ZNF385B: variants seen among roughly 807,000 people sequenced by gnomAD.
ZNF385B encodes zinc finger protein 385B.
Under a neutral mutation model 39.2 loss-of-function variants are expected in ZNF385B, and 23 were observed. The ratio of observed to expected loss-of-function variants is 0.59; its 90% CI spans 0.42 to 0.83. The LOEUF (loss-of-function observed/expected upper bound fraction) is 0.83. ZNF385B is among the 40% of genes least tolerant of loss of function. The pLI is 0.00. For missense variants in ZNF385B, 552 were observed against 598.9 expected (o/e 0.92, Z 0.82); for synonymous variants, 205 against 222.6 (o/e 0.92, Z 0.70).
At chr2:179,566,878 C>T (rs1320117445) in intron 3 of ZNF385B, among the ~76,000 whole-genome samples, 1 of 150,452 alleles carries the variant, frequency 6.6e-6, no homozygotes, top group East Asian at 2.0e-4. Flanking sequence ...TTTAGAGTAA[C>T]TCTTGAGTGA....
intron 3 of ZNF385B, among the ~76,000 whole-genome samples, chr2:179,745,539 C>T (rs917348231): frequency 2.0e-5 from 3 of 152,086 alleles, no homozygotes; most frequent in Non-Finnish European, 2.9e-5. Flanking sequence ...GGAGTTACTT[C>T]GCAACAAAAT....
At chr2:179,609,688 C>T (rs934823020) in intron 3 of ZNF385B, among the ~76,000 whole-genome samples, 4 of 152,146 alleles carry the variant, frequency 2.6e-5, no homozygotes, top group Admixed American at 6.5e-5. Context: ...ATGTGCATTC[C>T]CACCAACAGT....
chr2:179,660,392 T>C (rs1694327705), intron 3 of ZNF385B, among the ~76,000 whole-genome samples: 1 of 152,222 alleles, frequency 6.6e-6, no homozygotes, highest in Admixed American at 6.5e-5. Flanking sequence ...AAATTCTGAA[T>C]TGATCATGCT....
rs937363918 is a variant in ZNF385B at position 179,483,512 on chromosome 2, A to G, written c.553-78T>C. The stretch of plus-strand genomic sequence containing the variant: ...GTGGATGATCATGCAGGAGAAAAAT[A>G]CATTCTATCATAGGCACCACAGACA... On this transcript the variant is annotated intron_variant, in intron 5 of 9. Coordinates refer to ENST00000410066, the MANE Select transcript of ZNF385B (RefSeq NM_152520.6). 10 of 1,578,756 alleles carry G rather than the reference A, an allele frequency of 6.3e-6. No homozygotes were observed. In the African/African-American group the frequency reaches 1.2e-4, roughly 19 times the overall value.
chr2:179,834,072 G>A (rs1384124728), intron 1 of ZNF385B, among the ~76,000 whole-genome samples: 1 of 151,922 alleles, frequency 6.6e-6, no homozygotes, highest in Admixed American at 6.6e-5. Flanking sequence ...ACAGAATGAG[G>A]GAAGGAGAAA....
chr2:179,750,515 C>T (rs1702609956), intron 3 of ZNF385B, among the ~76,000 whole-genome samples: 1 of 152,040 alleles, frequency 6.6e-6, no homozygotes, highest in South Asian at 2.1e-4. Context: ...AGAGACAATT[C>T]CTGAGTGCTC....
At chr2:179,705,005 G>C (rs1456745985) in intron 3 of ZNF385B, among the ~76,000 whole-genome samples, 1 of 151,934 alleles carries the variant, frequency 6.6e-6, no homozygotes, top group Non-Finnish European at 1.5e-5. Flanking sequence ...TACCTATACT[G>C]CTCTGCCCCC....
chr2:179,581,979 T>C (rs183397580), intron 3 of ZNF385B, among the ~76,000 whole-genome samples: 38 of 152,332 alleles, frequency 2.5e-4, no homozygotes, highest in African/African-American at 7.9e-4. Context: ...TTTATTATTG[T>C]GCTCTTGTTA....
At chr2:179,841,553 T>C (rs1708536138) in intron 1 of ZNF385B, among the ~76,000 whole-genome samples, 1 of 152,256 alleles carries the variant, frequency 6.6e-6, no homozygotes, top group Admixed American at 6.5e-5. Flanking sequence ...ATTGATATTT[T>C]GGTCTGGATA....
At chr2:179,600,642 TA>T (rs1688339015) in intron 3 of ZNF385B, among the ~76,000 whole-genome samples, 1 of 152,244 alleles carries the variant, frequency 6.6e-6, no homozygotes, top group African/African-American at 2.4e-5. Context: ...ATAATTAATG[TA>T]ATATTTTATT....
chr2:179,446,731 G>A lies in ZNF385B; in HGVS notation c.755C>T (p.Pro252Leu). ...GKLKASSSSQ[P>L]SSSESGSFLL... The stretch of plus-strand genomic sequence containing the variant: ...AAATGAGCCACTTTCAGAGCTTGAT[G>A]GCTGACTGGAACTGCTGGCTTTTAA... Residue 252 changes from proline to leucine, a missense_variant, in exon 7 of 10, where the codon CCA becomes CTA. Coordinates refer to ENST00000410066, the MANE Select transcript of ZNF385B (RefSeq NM_152520.6). The A allele has an allele frequency of 6.2e-7, 1 of 1,613,796 alleles. No homozygotes were observed. Among genetic ancestry groups the A allele is most frequent in the South Asian group, 1.1e-5 (1 of 90,986 alleles).
chr2:179,857,276 G>T (rs528125731), intron 1 of ZNF385B, among the ~76,000 whole-genome samples: 3 of 152,176 alleles, frequency 2.0e-5, no homozygotes, highest in African/African-American at 2.4e-5. Flanking sequence ...CCCTGAGCTG[G>T]GTATTTCAGG....
chr2:179,822,760 C>T (rs759574238), intron 1 of ZNF385B, among the ~76,000 whole-genome samples: 3 of 152,134 alleles, frequency 2.0e-5, no homozygotes, highest in Non-Finnish European at 2.9e-5. Flanking sequence ...CATTGGAATA[C>T]CTTTTTCCAT....
chr2:179,668,041 A>G (rs545876961), intron 3 of ZNF385B, among the ~76,000 whole-genome samples: 1 of 152,334 alleles, frequency 6.6e-6, no homozygotes, highest in Non-Finnish European at 1.5e-5. Flanking sequence ...CTCCACAAGA[A>G]AAGAGCAAAA....
chr2:179,750,547 A>G (rs1377519609), intron 3 of ZNF385B, among the ~76,000 whole-genome samples: 1 of 152,124 alleles, frequency 6.6e-6, no homozygotes, highest in Non-Finnish European at 1.5e-5. Flanking sequence ...TGTGACTTAT[A>G]CAAAGAAAAG....
At chr2:179,616,318 G>A (rs778179597) in intron 3 of ZNF385B, among the ~76,000 whole-genome samples, 2 of 152,112 alleles carry the variant, frequency 1.3e-5, no homozygotes, top group Admixed American at 6.5e-5. Flanking sequence ...ATGACAGTAT[G>A]TTTTATAGCT....
chr2:179,796,251 A>C (rs1418131691), intron 1 of ZNF385B: 2 of 152,148 alleles, frequency 1.3e-5, no homozygotes, highest in Non-Finnish European at 2.9e-5. Context: ...TCCACAGATA[A>C]CTTGAATTTT....
At chr2:179,631,882 G>A (rs1366320613) in intron 3 of ZNF385B, among the ~76,000 whole-genome samples, 2 of 151,644 alleles carry the variant, frequency 1.3e-5, no homozygotes. Flanking sequence ...AAAACAAACA[G>A]TGGTTGCAAT....
intron 1 of ZNF385B, among the ~76,000 whole-genome samples, chr2:179,841,282 G>A (rs1189955430): frequency 6.6e-6 from 1 of 152,178 alleles, no homozygotes; most frequent in Non-Finnish European, 1.5e-5. Flanking sequence ...GGAAGAAAGG[G>A]GGAAAATGGT....
Sources: gnomAD v4.1 joint callset for allele counts (sites outside exome capture counted in the v4.1 genomes callset) on GRCh38, gnomAD v4.1.1 for gene constraint, MANE v1.5 for transcripts, NCBI Gene and HGNC (gene_info 2026-07-23, HGNC 2026-07-21) for gene names.